Variants in DEF8 observed in about 807,000 individuals in gnomAD.
The protein encoded by DEF8 is differentially expressed in FDCP 8 homolog, also known as DEF-8.
In DEF8, 38 loss-of-function variants were observed where a neutral mutation model predicts 59.1. That is an observed-to-expected ratio of 0.64 (90% CI 0.50 to 0.84). DEF8 has a LOEUF of 0.84. Among genes scored for constraint, DEF8 ranks in the 40% least tolerant of loss-of-function variants. The pLI is 0.00. For missense variants in DEF8, 557 were observed against 615.2 expected (o/e 0.91, Z 1.00); for synonymous variants, 265 against 250.1 (o/e 1.06, Z -0.56).
chr16:89,963,808 T>G, intron 10 of DEF8: 1 of 486,074 alleles, frequency 2.1e-6, no homozygotes, highest in Non-Finnish European at 3.8e-6. Flanking sequence ...TTGCCCTTAG[T>G]GCCTTTCAAG....
chr16:89,962,806 C>T (rs1189983055), intron 9 of DEF8, among the ~76,000 whole-genome samples: 1 of 152,226 alleles, frequency 6.6e-6, no homozygotes, highest in Non-Finnish European at 1.5e-5. Context: ...TCTTTGGCTC[C>T]AGCATGTAGC....
At position 89,967,495 on chromosome 16, in the gene DEF8, CA is replaced by C. The variant is rs2034664369; in HGVS notation, c.*1533del. On this transcript the variant is annotated 3_prime_UTR_variant, in exon 13 of 13. Coordinates refer to ENST00000563594, the MANE Select transcript of DEF8 (RefSeq NM_001242818.2). ...GGTTTCCCCATCTGGAAAATGGGGG[CA>C]GGGGTCCTGACCTACCTCAGGTGGA... 2 of 398,548 alleles carry C rather than the reference CA, an allele frequency of 5.0e-6. No homozygotes were observed. 24.7% of individuals were successfully genotyped at this position (398,548 alleles called of 1,614,324 possible). A position where few individuals can be genotyped will look rare whatever the true frequency, so the allele number is the denominator to read the frequency against.
rs1283252347 is a variant in DEF8, at chr16:89,958,890, T to C, written c.373-124T>C. On this transcript the variant is annotated intron_variant, in intron 5 of 12. Coordinates refer to ENST00000563594, the MANE Select transcript of DEF8 (RefSeq NM_001242818.2). ...AAGGGAGAAAAGGGACATGGCATTG[T>C]GCTGAAACTCACAATCTCTGCCCTA... 5.3e-6 allele frequency: 8 copies of C among 1,515,950 alleles called. No homozygotes were observed. In the East Asian group the frequency reaches 1.8e-4, roughly 34 times the overall value. The allele number at this position is 1,515,950 out of a possible 1,614,324, so 93.9% of individuals were successfully genotyped here.
chr16:89,959,358 T>A, intron 6 of DEF8: 2 of 1,436,212 alleles, frequency 1.4e-6, no homozygotes, highest in South Asian at 3.0e-5. Context: ...ATTAAACTAG[T>A]GAATTACATG....
In DEF8 at chr16:89,959,141, G is replaced by A; in HGVS notation, c.500G>A (p.Trp167Ter). The change falls in exon 6 of 13, where the codon TGG becomes TAG. Residue 167 changes from tryptophan to a stop codon, truncating the protein, a stop_gained. Transcript: ENST00000563594. LOFTEE classifies it high-confidence loss of function. Reference sequence around the variant, plus strand: ...ATCATCTGGGGGCTCATTCAGACCTGGTACACCTGCACAGGTGGGCCGAGA... The same window carrying A: ...ATCATCTGGGGGCTCATTCAGACCTAGTACACCTGCACAGGTGGGCCGAGA... Reference protein sequence around the residue: ...NTIIWGLIQTWYTCTGCYYRC... With the variant: ...NTIIWGLIQT 6.2e-7 allele frequency: 1 copy of A among 1,613,898 alleles called. No homozygotes were observed. The highest frequency in any genetic ancestry group is 8.5e-7 in the Non-Finnish European group (1 of 1,179,990).
chr16:89,955,300 G>A, intron 4 of DEF8, 34 bp downstream of exon 4: 1 of 1,581,954 alleles, frequency 6.3e-7, no homozygotes, highest in Non-Finnish European at 8.7e-7. Context: ...GAGAGGGACT[G>A]AGGGAACCCC....
chr16:89,962,586 G>C (rs1411378674), intron 9 of DEF8, among the ~76,000 whole-genome samples: 1 of 152,142 alleles, frequency 6.6e-6, no homozygotes, highest in Non-Finnish European at 1.5e-5. Flanking sequence ...AACCCGGGAG[G>C]CTGAGGTTGC....
In DEF8 at chr16:89,959,497, G is replaced by A. The variant is rs1345767913; in HGVS notation, c.514+342G>A. ...TGTTTTTTGTTTTTGTTTGTTTTTG[G>A]TTTGGTTTTGTTTTTGAGACGGAGT... On this transcript the variant is annotated intron_variant, in intron 6 of 12. Transcript: ENST00000563594. 6 of 534,508 alleles carry A rather than the reference G, an allele frequency of 1.1e-5. No individual in the cohort carries two copies. In the East Asian group the frequency reaches 2.5e-4, roughly 22 times the overall value. 33.1% of individuals were successfully genotyped at this position (534,508 alleles called of 1,614,324 possible).
chr16:89,953,272 G>A (rs902496335), intron 2 of DEF8, among the ~76,000 whole-genome samples: 11 of 152,170 alleles, frequency 7.2e-5, no homozygotes, highest in African/African-American at 2.7e-4. Context: ...GGCCCATTAC[G>A]GATGGGGAAA....
intron 6 of DEF8, among the ~76,000 whole-genome samples, chr16:89,960,269 A>G (rs1279009884): frequency 6.6e-6 from 1 of 152,012 alleles, no homozygotes; most frequent in African/African-American, 2.4e-5. Context: ...GATGACTCTG[A>G]TTGGGCTGGG....
In DEF8 at chr16:89,951,839, T is replaced by C. The variant is rs552572368; in HGVS notation, c.-11+2326T>C. Among the ~76,000 whole-genome samples, 18 of 151,920 alleles carry C rather than the reference T, an allele frequency of 1.2e-4. 1 individual carries two copies. The South Asian group carries it at 3.5e-3, about 30-fold the overall frequency. On this transcript the variant is annotated intron_variant, in intron 2 of 12. Transcript: ENST00000563594. The stretch of plus-strand genomic sequence containing the variant: ...ATATGTATGTATACACACACACACA[T>C]ATATATGTATATACACACACATACA...
intron 5 of DEF8, 60 bp from the exon 6 acceptor site, chr16:89,958,954 A>G: frequency 6.3e-7 from 1 of 1,589,198 alleles, no homozygotes; most frequent in Admixed American, 1.7e-5. Context: ...GGCTTGTGCG[A>G]AGGGAAAGGA....
rs2034076956 is a variant in DEF8 at position 89,961,938 on chromosome 16, A to G, written c.807+74A>G. 1.9e-5 allele frequency: 30 copies of G among 1,604,914 alleles called. No individual in the cohort carries two copies. The South Asian group carries it at 3.1e-4, about 17-fold the overall frequency. On this transcript the variant is annotated intron_variant, in intron 8 of 12. Transcript: ENST00000563594. ...GGGGGTTGGGGTGTGGAGCCGGTGTACCCCTGGTTGGGTGTTGCCCGCTGC... is the reference window on the plus strand; with the variant it reads ...GGGGGTTGGGGTGTGGAGCCGGTGTGCCCCTGGTTGGGTGTTGCCCGCTGC...
rs1567812045 is a variant in DEF8 at position 89,966,097 on chromosome 16, T to C, written c.*134T>C. ...TCCACCCCTGCTGGGCCAGAGCGGGTGGGCAGTGTCAAGGCCCGCTGTCTC... is the reference window on the plus strand; with the variant it reads ...TCCACCCCTGCTGGGCCAGAGCGGGCGGGCAGTGTCAAGGCCCGCTGTCTC... On this transcript the variant is annotated 3_prime_UTR_variant, in exon 13 of 13. Transcript: ENST00000563594. 9 of 656,038 alleles carry C rather than the reference T, an allele frequency of 1.4e-5. No homozygotes were observed. Among genetic ancestry groups the C allele is most frequent in the Non-Finnish European group, 2.1e-5 (8 of 388,642 alleles). 40.6% of individuals were successfully genotyped at this position (656,038 alleles called of 1,614,324 possible).
chr16:89,955,325 C>T, intron 4 of DEF8, 59 bp downstream of exon 4: 1 of 1,444,354 alleles, frequency 6.9e-7, no homozygotes, highest in South Asian at 1.1e-5. Context: ...GCAGGAAGGG[C>T]CAGGGTTTCC....
chr16:89,965,739 A>C, intron 12 of DEF8, 122 bp from the exon 13 acceptor site: 1 of 629,226 alleles, frequency 1.6e-6, no homozygotes, highest in Non-Finnish European at 2.8e-6. Context: ...CTGGCTGCAG[A>C]CTCCGACTCT....
intron 10 of DEF8, chr16:89,963,848 C>T: frequency 2.0e-6 from 1 of 506,446 alleles, no homozygotes; most frequent in Non-Finnish European, 3.6e-6. Context: ...ACGTTGTGTG[C>T]TGGGGTGGTG....
At chr16:89,962,268 C>A in intron 9 of DEF8, 143 bp downstream of exon 9, 1 of 698,416 alleles carries the variant, frequency 1.4e-6, no homozygotes, top group Non-Finnish European at 2.5e-6. Flanking sequence ...AGCCAGGCGC[C>A]GCGGCTGCCC....
chr16:89,955,068 C>T, intron 3 of DEF8, 101 bp from the exon 4 acceptor site: 1 of 906,884 alleles, frequency 1.1e-6, no homozygotes, highest in South Asian at 1.4e-5. Flanking sequence ...GTGCGGCTTC[C>T]TGAATCCCTT....
Sources: allele counts gnomAD v4.1 joint callset (sites outside exome capture counted in the v4.1 genomes callset), GRCh38; gene constraint gnomAD v4.1.1; transcripts MANE v1.5; gene names NCBI Gene and HGNC (gene_info 2026-07-23, HGNC 2026-07-21).